The following ABCC3 variants were observed in gnomAD, a reference collection of about 807,000 sequenced individuals.
The protein encoded by ABCC3 is ATP binding cassette subfamily C member 3, also known as ATP-binding cassette sub-family C member 3.
A neutral mutation model predicts 165.3 loss-of-function variants in ABCC3; 121 were observed. The observed-to-expected ratio is 0.73, with a 90% CI of 0.63 to 0.85. ABCC3 has a LOEUF of 0.85. Ranked by LOEUF, ABCC3 falls within the 40% of genes least tolerant of loss-of-function variation. ABCC3 has a pLI of 0.00. For synonymous variants in ABCC3, 733 were observed against 810.1 expected (o/e 0.90, Z 1.62); for missense variants, 1,869 against 1,964.1 (o/e 0.95, Z 0.92).
At chr17:50,640,932 T>G (rs969043957) in intron 1 of ABCC3, among the ~76,000 whole-genome samples, 5 of 152,214 alleles carry the variant, frequency 3.3e-5, no homozygotes, top group Non-Finnish European at 7.3e-5. Context: ...GTTCATCCCT[T>G]CCCTATCTGG....
At chr17:50,660,887 C>T (rs759049082) in intron 7 of ABCC3, 36 bp from the exon 8 acceptor site, 1 of 1,547,600 alleles carries the variant, frequency 6.5e-7, no homozygotes. Flanking sequence ...CCCCTGTCCC[C>T]ATTCCTAACC....
Position 50,668,929 on chromosome 17 carries a change from TCTC to T in ABCC3, c.1937+12_1937+14del. 1.2e-6 allele frequency: 2 copies of T among 1,613,734 alleles called. No homozygotes were observed. The highest frequency in any genetic ancestry group is 1.7e-6 in the Non-Finnish European group (2 of 1,179,696). The stretch of plus-strand genomic sequence containing the variant: ...CCCCCACTCTGCACAGGTACCAGCT[TCTC>T]CCACTCCCTTCCCAGCTGCCCACGG... On this transcript the variant is annotated intron_variant, in intron 15 of 30. Transcript: ENST00000285238.
Position 50,634,948 on chromosome 17 carries a change from G to A in ABCC3, c.12G>A (p.Leu4=), listed in dbSNP as rs1007633829. MDA[L]CGSGELGSKF... ...CGCGCCTCGGCCCCATGGACGCCCT[G>A]TGCGGTTCCGGGGAGCTCGGCTCCA... Residue 4 remains leucine, a synonymous_variant, in exon 1 of 31, where the codon CTG becomes CTA. Transcript: ENST00000285238. 4 of 1,260,888 alleles carry A rather than the reference G, an allele frequency of 3.2e-6. No homozygotes were observed. The highest frequency in any genetic ancestry group is 4.1e-5 in the Admixed American group (1 of 24,238). The allele number at this position is 1,260,888 out of a possible 1,614,324, so 78.1% of individuals were successfully genotyped here. A position where few individuals can be genotyped will look rare whatever the true frequency, so the allele number is the denominator to read the frequency against.
At chr17:50,690,920 C>T (rs759402825) in intron 30 of ABCC3, among the ~76,000 whole-genome samples, 172 bp from the exon 31 acceptor site, 5 of 152,224 alleles carry the variant, frequency 3.3e-5, no homozygotes, top group Non-Finnish European at 7.3e-5. Flanking sequence ...CCAGAACTAA[C>T]AGAATGGCTA....
chr17:50,686,024 T>C (rs760809239), intron 29 of ABCC3, among the ~76,000 whole-genome samples: 41 of 152,124 alleles, frequency 2.7e-4, no homozygotes, highest in Non-Finnish European at 5.1e-4. Context: ...GGTGAAACCC[T>C]GTCTCTGCTA....
rs190695170 is a variant in ABCC3, at chr17:50,679,859, C to G, written c.3767C>G (p.Ala1256Gly). 744 of 1,614,134 alleles carry G rather than the reference C, an allele frequency of 4.6e-4. 1 individual carries two copies. Among genetic ancestry groups the G allele is most frequent in the Non-Finnish European group, 6.1e-4 (716 of 1,180,010 alleles). ...MMSDLESNIV[A>G]VERVKEYSKT... ...TCAGATTTGGAATCTAACATCGTGG[C>G]TGTGGAGAGGGTCAAGGAGTACTCC... The change falls in exon 26 of 31, where the codon GCT (alanine) becomes GGT (glycine). Residue 1256 changes from alanine (A) to glycine (G), a missense_variant. Physicochemically the swap from Ala to Gly is moderately conservative, Grantham distance 60. Coordinates refer to ENST00000285238, the MANE Select transcript of ABCC3 (RefSeq NM_003786.4).
chr17:50,677,980 G>T, intron 24 of ABCC3, 37 bp downstream of exon 24: 1 of 1,614,010 alleles, frequency 6.2e-7, no homozygotes, highest in East Asian at 2.2e-5. Context: ...GCTCCTCCAG[G>T]AATTCCCAGC....
Position 50,669,430 on chromosome 17 carries a change from C to G in ABCC3, c.2143C>G (p.Leu715Val), listed in dbSNP as rs148975560. 1.1e-5 allele frequency: 18 copies of G among 1,614,144 alleles called. No individual in the cohort carries two copies. The highest frequency in any genetic ancestry group is 2.7e-5 in the African/African-American group (2 of 74,952). ...LQENVLFGKALNPKRYQQTLE... is the reference protein window; with the variant it reads ...LQENVLFGKAVNPKRYQQTLE... ...GGAAAACGTGCTTTTCGGCAAAGCCCTGAACCCCAAGCGCTACCAGCAGAC... is the reference window on the plus strand; with the variant it reads ...GGAAAACGTGCTTTTCGGCAAAGCCGTGAACCCCAAGCGCTACCAGCAGAC... Residue 715 changes from leucine to valine, a missense_variant, in exon 17 of 31, where the codon CTG becomes GTG. Coordinates refer to ENST00000285238, the MANE Select transcript of ABCC3 (RefSeq NM_003786.4).
At position 50,658,476 on chromosome 17, in the gene ABCC3, GT is replaced by G. The variant is rs753363581; in HGVS notation, c.659del (p.Phe220SerfsTer24). 2 of 1,614,132 alleles carry G rather than the reference GT, an allele frequency of 1.2e-6. No individual in the cohort carries two copies. On this transcript the variant is annotated frameshift_variant, in exon 6 of 31. Coordinates refer to ENST00000285238, the MANE Select transcript of ABCC3 (RefSeq NM_003786.4). LOFTEE classifies it high-confidence loss of function. The part of the protein sequence containing the change: ...ETSAGFLSRL[F>X]FWWFTKMAIY... ...CCAGCGCTGGCTTTCTCTCCCGCCT[GT>G]TTTTCTGGTGGTTCACAAAGTGAGT... is the stretch of plus-strand genomic sequence containing the variant.
intron 22 of ABCC3, 79 bp from the exon 23 acceptor site, chr17:50,676,199 C>A: frequency 1.3e-6 from 2 of 1,586,276 alleles, no homozygotes; most frequent in Non-Finnish European, 1.7e-6. Context: ...CCACTCTGGT[C>A]AACCCGTGTC....
At chr17:50,686,062 C>CG (rs1357545093) in intron 29 of ABCC3, among the ~76,000 whole-genome samples, 1 of 152,152 alleles carries the variant, frequency 6.6e-6, no homozygotes, top group African/African-American at 2.4e-5. Flanking sequence ...GGCGTGATGG[C>CG]GGGCGCCTGT....
intron 17 of ABCC3, among the ~76,000 whole-genome samples, 193 bp downstream of exon 17, chr17:50,669,721 G>C (rs1321970334): frequency 6.6e-6 from 1 of 152,192 alleles, no homozygotes; most frequent in East Asian, 1.9e-4. Flanking sequence ...GAATATTCTA[G>C]GAGCCAGGCT....
chr17:50,679,846 T>A lies in ABCC3; in HGVS notation c.3754T>A (p.Ser1252Thr). Residue 1252 changes from serine to threonine, a missense_variant, in exon 26 of 31, where the codon TCT becomes ACT. By Grantham distance (58) the Ser-to-Thr change is moderately conservative. Transcript: ENST00000285238. Reference sequence around the variant, plus strand: ...GATACGAATGATGTCAGATTTGGAATCTAACATCGTGGCTGTGGAGAGGGT... The same window carrying A: ...GATACGAATGATGTCAGATTTGGAAACTAACATCGTGGCTGTGGAGAGGGT... ...WMIRMMSDLE[S>T]NIVAVERVKE... 6.2e-7 allele frequency: 1 copy of A among 1,614,116 alleles called. No homozygotes were observed. Among genetic ancestry groups the A allele is most frequent in the Non-Finnish European group, 8.5e-7 (1 of 1,180,008 alleles).
At chr17:50,637,696 G>C (rs2054192533) in intron 1 of ABCC3, among the ~76,000 whole-genome samples, 1 of 152,214 alleles carries the variant, frequency 6.6e-6, no homozygotes, top group Non-Finnish European at 1.5e-5. Flanking sequence ...CACCTCACAA[G>C]ATTTTTCTGA....
intron 1 of ABCC3, among the ~76,000 whole-genome samples, chr17:50,638,324 C>T (rs928015458): frequency 6.6e-6 from 1 of 152,156 alleles, no homozygotes; most frequent in African/African-American, 2.4e-5. Flanking sequence ...GCAGAATTAG[C>T]CTTGATCTGA....
At position 50,677,850 on chromosome 17, in the gene ABCC3, G is replaced by T; in HGVS notation, c.3485G>T (p.Arg1162Leu). Residue 1162 changes from arginine (R) to leucine (L), a missense_variant, in exon 24 of 31, where the codon CGG becomes CTG. Transcript: ENST00000285238. ...SETVTGASVI[R>L]AYNRSRDFEI... ...ACAGTGACTGGTGCCAGTGTCATCC[G>T]GGCCTACAACCGCAGCCGGGATTTT... 1 of 1,614,086 alleles carries T rather than the reference G, an allele frequency of 6.2e-7. No individual in the cohort carries two copies.
chr17:50,667,717 A>G lies in ABCC3; in HGVS notation c.1595A>G (p.His532Arg), dbSNP rs1967554597. The G allele has an allele frequency of 1.2e-6, 2 of 1,613,930 alleles. No homozygotes were observed. Among genetic ancestry groups the G allele is most frequent in the Non-Finnish European group, 1.7e-6 (2 of 1,180,018 alleles). ...CTGCTGCGCACGGCGGCCTACCTCC[A>G]CACCACAACCACCTTCACCTGGATG... is the stretch of plus-strand genomic sequence containing the variant. ...LQLLRTAAYL[H>R]TTTTFTWMCS... Residue 532 changes from histidine (H) to arginine (R), a missense_variant, in exon 12 of 31, where the codon CAC becomes CGC. Physicochemically the swap from His to Arg is conservative, Grantham distance 29. Transcript: ENST00000285238.
At chr17:50,669,312 G>T in intron 16 of ABCC3, 40 bp from the exon 17 acceptor site, 1 of 1,614,192 alleles carries the variant, frequency 6.2e-7, no homozygotes. Context: ...GCTCAGCCAG[G>T]CCTTGGGCAA....
In ABCC3 at chr17:50,678,205, T is replaced by A; in HGVS notation, c.3691T>A (p.Ser1231Thr). ...CCCGGGGCTGGTGGGCCTTTCTGTGTCCTACTCCTTGCAGGTATGAAGGGC... is the reference window on the plus strand; with the variant it reads ...CCCGGGGCTGGTGGGCCTTTCTGTGACCTACTCCTTGCAGGTATGAAGGGC... ...LNPGLVGLSVSYSLQVTFALN... is the reference protein window; with the variant it reads ...LNPGLVGLSVTYSLQVTFALN... Residue 1231 changes from serine to threonine, a missense_variant, in exon 25 of 31, where the codon TCC (serine) becomes ACC (threonine). Coordinates refer to ENST00000285238, the MANE Select transcript of ABCC3 (RefSeq NM_003786.4). 6.5e-7 allele frequency: 1 copy of A among 1,528,420 alleles called. No individual in the cohort carries two copies. The highest frequency in any genetic ancestry group is 8.8e-7 in the Non-Finnish European group (1 of 1,140,150). The allele number at this position is 1,528,420 out of a possible 1,614,324, so 94.7% of individuals were successfully genotyped here.
Sources: allele counts gnomAD v4.1 joint callset (sites outside exome capture counted in the v4.1 genomes callset), GRCh38; gene constraint gnomAD v4.1.1; transcripts MANE v1.5; gene names NCBI Gene and HGNC (gene_info 2026-07-23, HGNC 2026-07-21).